The following KDM4B variants were observed in gnomAD, a reference collection of about 807,000 sequenced individuals.
KDM4B encodes the protein lysine demethylase 4B, also known as lysine-specific demethylase 4B.
In KDM4B, 32 loss-of-function variants were observed where a neutral mutation model predicts 125.2. The ratio of observed to expected loss-of-function variants is 0.26; its 90% CI spans 0.19 to 0.34. KDM4B has a LOEUF of 0.34. Ranked by LOEUF, KDM4B falls within the 10% of genes least tolerant of loss-of-function variation. The pLI is 1.00. For missense variants in KDM4B, 1,190 were observed against 1,577.7 expected, an observed-to-expected ratio of 0.75 and a Z score of 4.16; for synonymous variants, 721 against 677.9, an observed-to-expected ratio of 1.06 and a Z score of -0.99.
intron 9 of KDM4B, among the ~76,000 whole-genome samples, chr19:5,101,763 G>A (rs529408066): frequency 6.6e-6 from 1 of 151,428 alleles, no homozygotes; most frequent in Non-Finnish European, 1.5e-5. Context: ...GCCTCACTCG[G>A]TGCTTTTCCC....
intron 2 of KDM4B, among the ~76,000 whole-genome samples, chr19:5,021,968 T>G (rs571063149): frequency 5.9e-5 from 9 of 152,264 alleles, no homozygotes; most frequent in African/African-American, 2.2e-4. Context: ...CACGCATTTT[T>G]TGTTTGCCTC....
Position 5,114,967 on chromosome 19 carries a change from A to T in KDM4B, c.1115+4149A>T, listed in dbSNP as rs2039226636. 6.6e-6 allele frequency among the ~76,000 whole-genome samples: 1 copy of T among 152,250 alleles called. No individual in the cohort carries two copies. Among genetic ancestry groups the T allele is most frequent in the Non-Finnish European group, 1.5e-5 (1 of 68,042 alleles). On this transcript the variant is annotated intron_variant, in intron 10 of 22. Transcript: ENST00000159111. The surrounding 1 kb of genome is among the most constrained non-coding windows in gnomAD (Gnocchi z 5.8). ...GGCGTCCAGTTAAGCCTGGCAGGCT[A>T]AGTGCTTATTTATCTCCACTCTCTC... is the stretch of plus-strand genomic sequence containing the variant.
intron 1 of KDM4B, among the ~76,000 whole-genome samples, chr19:4,998,101 G>T (rs910516402): frequency 5.9e-5 from 9 of 152,206 alleles, no homozygotes; most frequent in African/African-American, 9.7e-5. Flanking sequence ...CTGCTTGGGG[G>T]CCCAAGTCTG....
At chr19:5,100,185 G>T (rs1026337634) in intron 9 of KDM4B, among the ~76,000 whole-genome samples, 1 of 152,188 alleles carries the variant, frequency 6.6e-6, no homozygotes, top group African/African-American at 2.4e-5. Flanking sequence ...TACCTGATAC[G>T]TGTCTGATTT....
chr19:5,041,855 G>C (rs2036829784), intron 5 of KDM4B, among the ~76,000 whole-genome samples: 1 of 152,272 alleles, frequency 6.6e-6, no homozygotes, highest in Non-Finnish European at 1.5e-5. Context: ...GCAGCAGGAA[G>C]CTGTGACTGC....
intron 2 of KDM4B, among the ~76,000 whole-genome samples, chr19:5,029,885 G>A (rs913983313): frequency 1.3e-5 from 2 of 152,232 alleles, no homozygotes; most frequent in African/African-American, 4.8e-5. Flanking sequence ...GGTGGTGGGT[G>A]AAGTGCCTGA....
chr19:5,126,581 G>A (rs914276240), intron 11 of KDM4B, among the ~76,000 whole-genome samples: 11 of 152,230 alleles, frequency 7.2e-5, no homozygotes, highest in African/African-American at 2.2e-4. Context: ...CCCTCGCCCC[G>A]GAGTGCTGCT....
rs2039768102 is a variant in KDM4B, at chr19:5,142,779, T to C, written c.2551-1188T>C. 6.6e-6 allele frequency among the ~76,000 whole-genome samples: 1 copy of C among 151,938 alleles called. No homozygotes were observed. Among genetic ancestry groups the C allele is most frequent in the African/African-American group, 2.4e-5 (1 of 41,366 alleles). ...ATGGGAGAATTGGGTATTTACAGTT[T>C]AATAACGAGATCTCGATGCCGTCGA... On this transcript the variant is annotated intron_variant, in intron 18 of 22. Transcript: ENST00000159111. This position sits in a 1 kb window ranked among gnomAD's most constrained non-coding sequence, Gnocchi z 5.4.
intron 10 of KDM4B, chr19:5,111,889 C>T (rs1453823820): frequency 1.3e-6 from 1 of 747,760 alleles, no homozygotes; most frequent in African/African-American, 1.7e-5. Flanking sequence ...GTTTACAGAC[C>T]CTGAAATCCA....
At chr19:5,073,931 A>G (rs2038023456) in intron 7 of KDM4B, among the ~76,000 whole-genome samples, 2 of 152,142 alleles carry the variant, frequency 1.3e-5, no homozygotes, top group Non-Finnish European at 2.9e-5. Flanking sequence ...AGCCTCAGGA[A>G]CATAGTGAGA....
intron 11 of KDM4B, among the ~76,000 whole-genome samples, chr19:5,122,221 C>G (rs1190043370): frequency 1.3e-5 from 2 of 152,210 alleles, no homozygotes; most frequent in Admixed American, 1.3e-4. Context: ...TCTCTTGGCT[C>G]AGAGCCCCTT....
At chr19:4,988,869 CA>C (rs959130023) in intron 1 of KDM4B, among the ~76,000 whole-genome samples, 1 of 152,108 alleles carries the variant, frequency 6.6e-6, no homozygotes, top group Non-Finnish European at 1.5e-5. Context: ...CCTGGGTGAT[CA>C]AGTCAGCCTT....
intron 10 of KDM4B, chr19:5,111,703 A>G: frequency 1.3e-6 from 1 of 754,970 alleles, no homozygotes; most frequent in Non-Finnish European, 2.4e-6. Flanking sequence ...GAGGGACGGC[A>G]CAGAGTGGGC....
chr19:5,113,955 C>T (rs966628116), intron 10 of KDM4B: 53 of 1,227,966 alleles, frequency 4.3e-5, no homozygotes, highest in Non-Finnish European at 5.0e-5. Flanking sequence ...ACTCCCTGCT[C>T]GCCACCTTAC....
intron 18 of KDM4B, among the ~76,000 whole-genome samples, chr19:5,138,656 A>C (rs956926198): frequency 1.3e-5 from 2 of 149,790 alleles, no homozygotes; most frequent in African/African-American, 5.0e-5. Context: ...GCACTGTCTC[A>C]AAAAAAAACA....
At chr19:5,146,751 A>AT (rs2039852367) in intron 21 of KDM4B, among the ~76,000 whole-genome samples, 1 of 31,994 alleles carries the variant, frequency 3.1e-5, no homozygotes, top group Admixed American at 3.5e-4. Flanking sequence ...ACAAAGTGAG[A>AT]CCCCCCCCCC....
chr19:4,979,134 AT>A (rs1389816705), intron 1 of KDM4B, among the ~76,000 whole-genome samples: 1 of 151,802 alleles, frequency 6.6e-6, no homozygotes, highest in Non-Finnish European at 1.5e-5. Flanking sequence ...ACTAGAAAAA[AT>A]TTGCCAGATG....
chr19:5,135,983 A>T (rs1344390288), intron 15 of KDM4B, among the ~76,000 whole-genome samples: 1 of 152,234 alleles, frequency 6.6e-6, no homozygotes, highest in Non-Finnish European at 1.5e-5. Context: ...CCCTAGGGCC[A>T]GAGCAAGAAA....
At chr19:5,062,765 T>G (rs1040521975) in intron 6 of KDM4B, among the ~76,000 whole-genome samples, 1 of 148,364 alleles carries the variant, frequency 6.7e-6, no homozygotes, top group Admixed American at 6.8e-5. Context: ...ACTTATGTTA[T>G]AATTAAACTG....
Sources: allele counts gnomAD v4.1 joint callset (sites outside exome capture counted in the v4.1 genomes callset), GRCh38; gene constraint gnomAD v4.1.1; non-coding constraint Gnocchi (gnomAD v3.1); transcripts MANE v1.5; gene names NCBI Gene and HGNC (gene_info 2026-07-23, HGNC 2026-07-21).